The following CELF2 variants were observed in gnomAD, a reference collection of about 807,000 sequenced individuals.
CELF2 encodes CUGBP Elav-like family member 2, also known as CUG triplet repeat RNA-binding protein 2.
Under a neutral mutation model 62.6 loss-of-function variants are expected in CELF2, and 8 were observed. That is an observed-to-expected ratio of 0.13 (90% CI 0.07 to 0.23). CELF2 has a LOEUF of 0.23. CELF2 is among the 10% of genes least tolerant of loss of function. CELF2 has a pLI of 1.00. For synonymous variants in CELF2, 258 were observed against 250.0 expected (o/e 1.03, Z -0.30); for missense variants, 333 against 671.0 (o/e 0.50, Z 5.56).
chr10:11,240,294 G>T (rs778699983), intron 3 of CELF2, among the ~76,000 whole-genome samples: 1 of 152,194 alleles, frequency 6.6e-6, no homozygotes, highest in Non-Finnish European at 1.5e-5. Context: ...ATGAATGATT[G>T]TTCACCCAAC....
the CELF2 span, among the ~76,000 whole-genome samples, chr10:10,610,365 G>T: frequency 1.1e-4 from 16 of 152,220 alleles, no homozygotes; most frequent in Non-Finnish European, 1.9e-4. Context: ...TTAAAATGAT[G>T]CCAACTCAAA....
chr10:10,656,925 A>G, the CELF2 span, among the ~76,000 whole-genome samples: 1 of 151,890 alleles, frequency 6.6e-6, no homozygotes, highest in Non-Finnish European at 1.5e-5. Flanking sequence ...CAATAAAAAA[A>G]AAAAAAAAAG....
rs771689823 is a variant in CELF2 at position 11,066,080 on chromosome 10, G to T, written c.74+47917G>T. 1.6e-3 allele frequency among the ~76,000 whole-genome samples: 247 copies of T among 152,248 alleles called. 5 individuals carry two copies. The highest frequency in any genetic ancestry group is 5.3e-4 in the Non-Finnish European group (36 of 68,008). On this transcript the variant is annotated intron_variant, in intron 1 of 12. Coordinates refer to ENST00000633077, the MANE Select transcript of CELF2 (RefSeq NM_001326342.2). Reference sequence around the variant, plus strand: ...AGAGGGCGTAGGGAGGAGGAAAAAAGGAGATCAGGCCACCGGAAGTGGGGT... The same window carrying T: ...AGAGGGCGTAGGGAGGAGGAAAAAATGAGATCAGGCCACCGGAAGTGGGGT...
intron 2 of CELF2, among the ~76,000 whole-genome samples, chr10:10,991,176 C>A (rs2053397238): frequency 6.6e-6 from 1 of 152,106 alleles, no homozygotes; most frequent in Non-Finnish European, 1.5e-5. Context: ...CTTTGTTCTC[C>A]AAAACACAGT....
the CELF2 span, among the ~76,000 whole-genome samples, chr10:10,632,832 T>A: frequency 2.0e-5 from 3 of 152,180 alleles, no homozygotes; most frequent in Non-Finnish European, 4.4e-5. Context: ...GGCTCTAGGA[T>A]AAATTTCCAA....
chr10:11,185,119 G>T (rs188267293), intron 2 of CELF2, among the ~76,000 whole-genome samples: 1 of 152,006 alleles, frequency 6.6e-6, no homozygotes, highest in African/African-American at 2.4e-5. Context: ...TTCTGAGTCT[G>T]TTGAGATGAT....
chr10:10,748,492 T>A, the CELF2 span, among the ~76,000 whole-genome samples: 1 of 152,090 alleles, frequency 6.6e-6, no homozygotes, highest in African/African-American at 2.4e-5. Context: ...CTCACGCCTG[T>A]AATCCCAGCA....
intron 9 of CELF2, among the ~76,000 whole-genome samples, chr10:11,292,490 C>G (rs1219128243): frequency 6.6e-6 from 1 of 152,230 alleles, no homozygotes; most frequent in Non-Finnish European, 1.5e-5. Flanking sequence ...GGAGAACTTG[C>G]ATTAGGCAAA....
intron 1 of CELF2, among the ~76,000 whole-genome samples, chr10:10,865,234 C>T (rs919457051): frequency 1.3e-5 from 2 of 152,146 alleles, no homozygotes; most frequent in African/African-American, 4.8e-5. Context: ...AGGAAACCAT[C>T]TAATGCCTAA....
chr10:10,955,009 T>G (rs980703365), intron 2 of CELF2, among the ~76,000 whole-genome samples: 6 of 152,236 alleles, frequency 3.9e-5, no homozygotes, highest in Non-Finnish European at 8.8e-5. Flanking sequence ...CAATTTTATT[T>G]CTGTGATCTT....
At chr10:10,722,713 C>G in the CELF2 span, among the ~76,000 whole-genome samples, 1 of 152,192 alleles carries the variant, frequency 6.6e-6, no homozygotes, top group East Asian at 1.9e-4. Context: ...AGCAAAGACA[C>G]TTGATTTTCT....
At chr10:11,106,977 C>A (rs1324346202) in intron 1 of CELF2, among the ~76,000 whole-genome samples, 2 of 152,224 alleles carry the variant, frequency 1.3e-5, no homozygotes, top group African/African-American at 4.8e-5. Flanking sequence ...CCTTGTTATC[C>A]CCTGCTGGTG....
the CELF2 span, among the ~76,000 whole-genome samples, chr10:10,558,988 T>G: frequency 6.6e-6 from 1 of 152,178 alleles, no homozygotes; most frequent in Non-Finnish European, 1.5e-5. Flanking sequence ...TCATTAATAA[T>G]TTTTATATTA....
chr10:11,112,610 G>A (rs529367650), intron 1 of CELF2, among the ~76,000 whole-genome samples: 1 of 152,230 alleles, frequency 6.6e-6, no homozygotes, highest in Admixed American at 6.5e-5. Context: ...AGCGAAAGAT[G>A]TCTTGATGTT....
At chr10:10,920,024 C>G (rs1236013797) in intron 2 of CELF2, 1 of 1,227,354 alleles carries the variant, frequency 8.1e-7, no homozygotes, top group Non-Finnish European at 1.0e-6. Context: ...TTTGCTTATT[C>G]TATGCCCGAT....
intron 2 of CELF2, among the ~76,000 whole-genome samples, chr10:11,192,294 T>TG (rs1418871635): frequency 1.3e-5 from 2 of 152,170 alleles, no homozygotes; most frequent in South Asian, 2.1e-4. Flanking sequence ...GGCAGTGCTG[T>TG]GGGTAGTTAG....
At chr10:11,195,163 A>G (rs571384279) in intron 2 of CELF2, among the ~76,000 whole-genome samples, 6 of 150,462 alleles carry the variant, frequency 4.0e-5, no homozygotes, top group Non-Finnish European at 7.5e-5. Flanking sequence ...AGGTGTGATA[A>G]TATTTCTCCT....
At chr10:11,109,145 G>T (rs2054450414) in intron 1 of CELF2, among the ~76,000 whole-genome samples, 1 of 152,228 alleles carries the variant, frequency 6.6e-6, no homozygotes, top group South Asian at 2.1e-4. Flanking sequence ...CCTCAGAAGG[G>T]AGGGATTTTT....
At chr10:11,286,453 C>G (rs1182782146) in intron 8 of CELF2, among the ~76,000 whole-genome samples, 5 of 152,222 alleles carry the variant, frequency 3.3e-5, no homozygotes, top group Non-Finnish European at 7.3e-5. Flanking sequence ...ATGGACAGAC[C>G]TGCGTGAATG....
Sources: allele counts gnomAD v4.1 joint callset (sites outside exome capture counted in the v4.1 genomes callset), GRCh38; gene constraint gnomAD v4.1.1; transcripts MANE v1.5; gene names NCBI Gene and HGNC (gene_info 2026-07-23, HGNC 2026-07-21).